NFRKB: variants seen among roughly 807,000 people sequenced by gnomAD.
The protein encoded by NFRKB is nuclear factor related to kappaB binding protein.
In NFRKB, 62 loss-of-function variants were observed where a neutral mutation model predicts 135.7. That is an observed-to-expected ratio of 0.46 (90% CI 0.37 to 0.56). The LOEUF is 0.56. Among genes scored for constraint, NFRKB ranks in the 20% least tolerant of loss-of-function variants. The pLI, the probability that NFRKB is intolerant of heterozygous loss-of-function variation, is 0.00. For missense variants in NFRKB, 1,545 were observed against 1,662.0 expected (o/e 0.93, Z 1.22); for synonymous variants, 678 against 635.6 (o/e 1.07, Z -1.00).
At chr11:129,873,694 ACCT>A in intron 22 of NFRKB, 48 bp downstream of exon 22, 1 of 1,590,626 alleles carries the variant, frequency 6.3e-7, no homozygotes, top group Non-Finnish European at 8.6e-7. Flanking sequence ...TCATCAGCCC[ACCT>A]CTGGGTCTGC....
chr11:129,895,114 C>T (rs527596042), intron 1 of NFRKB, among the ~76,000 whole-genome samples: 1 of 152,222 alleles, frequency 6.6e-6, no homozygotes, highest in Non-Finnish European at 1.5e-5. Flanking sequence ...GAAGGCCTCT[C>T]GGCCTCTCAT....
chr11:129,885,633 A>G, intron 5 of NFRKB, 24 bp from the exon 6 acceptor site: 1 of 1,585,566 alleles, frequency 6.3e-7, no homozygotes, highest in East Asian at 2.3e-5. Context: ...AGGTGGGGGT[A>G]CAAGTCATCA....
chr11:129,885,124 G>A (rs534677901), intron 6 of NFRKB, among the ~76,000 whole-genome samples: 6 of 152,316 alleles, frequency 3.9e-5, no homozygotes, highest in African/African-American at 1.4e-4. Context: ...TCTCTCAAGT[G>A]GCAAATGGGA....
At position 129,870,122 on chromosome 11, in the gene NFRKB, G is replaced by A. The variant is rs778756862; in HGVS notation, c.2903C>T (p.Thr968Met). ...CATGTCCGGAGTGATTCGCAGAACCGTCTGGCCCTTGGCATCTGTGGTGAT... is the reference window on the plus strand; with the variant it reads ...CATGTCCGGAGTGATTCGCAGAACCATCTGGCCCTTGGCATCTGTGGTGAT... ...SSITTDAKGQ[T>M]VLRITPDMMA... Residue 968 changes from threonine (T) to methionine (M), a missense_variant, in exon 24 of 27, where the codon ACG becomes ATG. By Grantham distance (81) the Thr-to-Met change is moderately conservative. Transcript: ENST00000682444. The A allele has an allele frequency of 1.1e-5, 18 of 1,614,154 alleles. No homozygotes were observed. The highest frequency in any genetic ancestry group is 2.2e-5 in the East Asian group (1 of 44,904).
intron 5 of NFRKB, 113 bp downstream of exon 5, chr11:129,886,204 T>C (rs992765392): frequency 2.5e-6 from 3 of 1,187,616 alleles, no homozygotes; most frequent in Admixed American, 2.2e-5. Flanking sequence ...ACAGATTAAT[T>C]GGTAGCATTT....
At position 129,864,676 on chromosome 11, in the gene NFRKB, C is replaced by G; in HGVS notation, c.*49G>C. The G allele has an allele frequency of 1.2e-6, 2 of 1,612,534 alleles. No individual in the cohort carries two copies. The highest frequency in any genetic ancestry group is 1.7e-6 in the Non-Finnish European group (2 of 1,179,482). ...TGCAACCTCCCTGGTCCCTTCTCAG[C>G]CAGGACAGACCAGGCATGGTCTTTC... On this transcript the variant is annotated 3_prime_UTR_variant, in exon 27 of 27. Coordinates refer to ENST00000682444, the MANE Select transcript of NFRKB (RefSeq NM_001143835.2).
rs754351850 is a variant in NFRKB at position 129,878,315 on chromosome 11, G to A, written c.1505C>T (p.Pro502Leu). Residue 502 changes from proline to leucine, a missense_variant, in exon 15 of 27, where the codon CCT becomes CTT. By Grantham distance (98) the Pro-to-Leu change is moderately conservative (BLOSUM62 -3). Coordinates refer to ENST00000682444, the MANE Select transcript of NFRKB (RefSeq NM_001143835.2). The stretch of plus-strand genomic sequence containing the variant: ...ACTACAGTATTGTACTCACACCCGA[G>A]GGACAGGTGTTGTGGCATCTGAGCT... ...EDSSDATTPVPRVRTDYVVRP... is the reference protein window; with the variant it reads ...EDSSDATTPVLRVRTDYVVRP... 1.9e-6 allele frequency: 3 copies of A among 1,614,144 alleles called. No homozygotes were observed. The highest frequency in any genetic ancestry group is 1.7e-6 in the Non-Finnish European group (2 of 1,179,980).
intron 16 of NFRKB, 129 bp downstream of exon 16, chr11:129,877,179 CCCAACAAGTAATCCCAG>C (rs1948806681): frequency 2.3e-6 from 2 of 873,704 alleles, no homozygotes; most frequent in East Asian, 4.8e-5. Context: ...CGTTTCCACC[CCCAACAAGTAATCCCAG>C]CCAACAGAAG....
intron 2 of NFRKB, among the ~76,000 whole-genome samples, chr11:129,893,711 C>T (rs1949662182): frequency 6.6e-6 from 1 of 152,162 alleles, no homozygotes; most frequent in South Asian, 2.1e-4. Context: ...TCACATATCT[C>T]ATTTAATTCC....
chr11:129,893,008 G>A, intron 2 of NFRKB, 138 bp from the exon 3 acceptor site: 2 of 1,505,480 alleles, frequency 1.3e-6, no homozygotes. Context: ...CAGCTAAACA[G>A]CTCTCCTCCC....
intron 4 of NFRKB, among the ~76,000 whole-genome samples, chr11:129,887,776 G>A (rs1444343323): frequency 1.3e-5 from 2 of 152,224 alleles, no homozygotes; most frequent in African/African-American, 2.4e-5. Context: ...GGTGGCTCAC[G>A]CCTGTGATCC....
intron 4 of NFRKB, among the ~76,000 whole-genome samples, chr11:129,887,440 C>T (rs1949330025): frequency 1.3e-5 from 2 of 152,184 alleles, no homozygotes; most frequent in Admixed American, 6.5e-5. Flanking sequence ...AACCTGATAC[C>T]ATGTGCCTCC....
chr11:129,870,360 A>G, intron 23 of NFRKB, 99 bp from the exon 24 acceptor site: 1 of 1,274,564 alleles, frequency 7.8e-7, no homozygotes, highest in Non-Finnish European at 1.1e-6. Flanking sequence ...GATGTTTTGT[A>G]TTTTTTTTTT....
Position 129,875,350 on chromosome 11 carries a change from G to A in NFRKB, c.1854+7C>T, listed in dbSNP as rs181761828. 5.8e-5 allele frequency: 93 copies of A among 1,601,822 alleles called. No homozygotes were observed. The highest frequency in any genetic ancestry group is 3.6e-4 in the East Asian group (16 of 44,772). Reference sequence around the variant, plus strand: ...ACAAAGCAAAAGTAATCTCTTCTCCGTCCTACCTGAGTGCTGGTGACATCT... The same window carrying A: ...ACAAAGCAAAAGTAATCTCTTCTCCATCCTACCTGAGTGCTGGTGACATCT... On this transcript the variant is annotated splice_region_variant and intron_variant, in intron 18 of 26. Transcript: ENST00000682444.
chr11:129,893,291 A>G (rs1317106831), intron 2 of NFRKB: 1 of 463,324 alleles, frequency 2.2e-6, no homozygotes, highest in African/African-American at 2.0e-5. Flanking sequence ...AGTAACTCAC[A>G]CCTACAATCT....
At chr11:129,873,149 G>T in intron 22 of NFRKB, 53 bp from the exon 23 acceptor site, 1 of 1,452,462 alleles carries the variant, frequency 6.9e-7, no homozygotes. Context: ...ATGCAGACCA[G>T]CACTCTAAGC....
At chr11:129,871,094 T>C (rs1303929998) in intron 23 of NFRKB, among the ~76,000 whole-genome samples, 4 of 152,194 alleles carry the variant, frequency 2.6e-5, no homozygotes, top group African/African-American at 7.2e-5. Flanking sequence ...AAATGCACTA[T>C]CTCCATAAAA....
intron 4 of NFRKB, 95 bp from the exon 5 acceptor site, chr11:129,886,539 CTG>C (rs1368480764): frequency 8.7e-7 from 1 of 1,154,650 alleles, no homozygotes; most frequent in African/African-American, 1.5e-5. Context: ...ATGGTAAACT[CTG>C]TACCACAAAA....
At chr11:129,873,232 A>T in intron 22 of NFRKB, 136 bp from the exon 23 acceptor site, 1 of 677,248 alleles carries the variant, frequency 1.5e-6, no homozygotes, top group Non-Finnish European at 2.4e-6. Flanking sequence ...AAGGCACACC[A>T]CTCTCTAAAA....
Sources: gnomAD v4.1 joint callset for allele counts (sites outside exome capture counted in the v4.1 genomes callset) on GRCh38, gnomAD v4.1.1 for gene constraint, MANE v1.5 for transcripts, NCBI Gene and HGNC (gene_info 2026-07-23, HGNC 2026-07-21) for gene names.